The following INTS6 variants were observed in gnomAD, a reference collection of about 807,000 sequenced individuals.
INTS6 encodes DEAD box protein.
INTS6 carries 16 observed loss-of-function variants against 104.9 expected under a neutral mutation model. The observed-to-expected ratio is 0.15, with a 90% CI of 0.10 to 0.23. INTS6 has a LOEUF of 0.23. Among genes scored for constraint, INTS6 ranks in the 10% least tolerant of loss-of-function variants. INTS6 has a pLI of 1.00. For synonymous variants in INTS6, 324 were observed against 358.7 expected, an observed-to-expected ratio of 0.90 and a Z score of 1.09; for missense variants, 584 against 1,062.8, an observed-to-expected ratio of 0.55 and a Z score of 6.26.
At chr13:51,345,592 CAAAAAAAAAAAAAA>C in the INTS6 span, among the ~76,000 whole-genome samples, 244 of 37,066 alleles carry the variant, frequency 6.6e-3, no homozygotes, top group African/African-American at 0.02. Context: ...GATTTCATCT[CAAAAAAAAAAAAAA>C]AAAAAAAAAA....
At position 51,369,247 on chromosome 13, in the gene INTS6, A is replaced by G; in HGVS notation, c.2168T>C (p.Leu723Pro). ...AGCATTTGGTGTAATGTCTGATGAAAGTTGGTCTGCAACATGATTTTCAAC... is the reference window on the plus strand; with the variant it reads ...AGCATTTGGTGTAATGTCTGATGAAGGTTGGTCTGCAACATGATTTTCAAC... The part of the protein sequence containing the change: ...DVVENHVADQ[L>P]SSDITPNAMD... Residue 723 changes from leucine to proline, a missense_variant, in exon 16 of 18, where the codon CTT becomes CCT. By Grantham distance (98) the Leu-to-Pro change is moderately conservative. Transcript: ENST00000311234. 1.2e-6 allele frequency: 2 copies of G among 1,613,704 alleles called. No homozygotes were observed. The highest frequency in any genetic ancestry group is 1.7e-6 in the Non-Finnish European group (2 of 1,179,740).
At chr13:51,361,401 A>C, downstream of INTS6, 2 of 1,275,510 alleles carry the variant, frequency 1.6e-6, no homozygotes. Flanking sequence ...CTGCTTACCC[A>C]TATCTACCTT....
Position 51,361,668 on chromosome 13 carries a change from C to T in INTS6, c.*4084G>A. On this transcript the variant is annotated 3_prime_UTR_variant, in exon 18 of 18. Coordinates refer to ENST00000311234, the MANE Select transcript of INTS6 (RefSeq NM_012141.3). ...CATCTTTTCTCTTTAATTTTCCCATCTGCACCCCCATCACAACAGTAAACA... is the reference window on the plus strand; with the variant it reads ...CATCTTTTCTCTTTAATTTTCCCATTTGCACCCCCATCACAACAGTAAACA... 1 of 706,596 alleles carries T rather than the reference C, an allele frequency of 1.4e-6. No individual in the cohort carries two copies. The highest frequency in any genetic ancestry group is 2.3e-6 in the Non-Finnish European group (1 of 440,892). 43.8% of individuals were successfully genotyped at this position (706,596 alleles called of 1,614,324 possible). A position where few individuals can be genotyped will look rare whatever the true frequency, so the allele number is the denominator to read the frequency against.
intron 4 of INTS6, among the ~76,000 whole-genome samples, chr13:51,410,195 T>C (rs1369926898): frequency 6.6e-6 from 1 of 152,134 alleles, no homozygotes; most frequent in Non-Finnish European, 1.5e-5. Flanking sequence ...CCAATAAAAA[T>C]TGCAGTAAGC....
intron 3 of INTS6, chr13:51,450,815 C>A: frequency 8.4e-7 from 1 of 1,186,816 alleles, no homozygotes; most frequent in Non-Finnish European, 1.0e-6. Flanking sequence ...GATTCTAATC[C>A]TGAATACCAA....
intron 3 of INTS6, chr13:51,450,823 C>A: frequency 1.7e-6 from 2 of 1,196,246 alleles, no homozygotes; most frequent in Admixed American, 4.4e-5. Flanking sequence ...TCCTGAATAC[C>A]AATGCATTTT....
chr13:51,388,352 CTTTG>C (rs1443261415), intron 6 of INTS6, among the ~76,000 whole-genome samples: 1 of 150,682 alleles, frequency 6.6e-6, no homozygotes, highest in Non-Finnish European at 1.5e-5. Flanking sequence ...TTCTCTAAAT[CTTTG>C]TGTGTGTGTG....
At chr13:51,396,003 G>A (rs1236423503) in intron 4 of INTS6, among the ~76,000 whole-genome samples, 2 of 151,956 alleles carry the variant, frequency 1.3e-5, no homozygotes, top group African/African-American at 4.8e-5. Flanking sequence ...TTGCCATGTT[G>A]ACCAGGATGG....
At chr13:51,424,659 A>G (rs1956955932) in intron 4 of INTS6, among the ~76,000 whole-genome samples, 1 of 152,054 alleles carries the variant, frequency 6.6e-6, no homozygotes, top group African/African-American at 2.4e-5. Context: ...ACAGAGACTA[A>G]CATATACAGT....
intron 4 of INTS6, among the ~76,000 whole-genome samples, chr13:51,407,556 A>C (rs1956593167): frequency 6.6e-6 from 1 of 152,210 alleles, no homozygotes; most frequent in Non-Finnish European, 1.5e-5. Flanking sequence ...AAATCCAGGG[A>C]CTGATACCAA....
chr13:51,338,308 G>A, the INTS6 span, among the ~76,000 whole-genome samples: 7 of 152,108 alleles, frequency 4.6e-5, no homozygotes, highest in Non-Finnish European at 8.8e-5. Context: ...TCTAAAATAC[G>A]CAGGCAGTGA....
Position 51,361,716 on chromosome 13 carries a change from T to C in INTS6, c.*4036A>G. On this transcript the variant is annotated 3_prime_UTR_variant, in exon 18 of 18. Coordinates refer to ENST00000311234, the MANE Select transcript of INTS6 (RefSeq NM_012141.3). Reference sequence around the variant, plus strand: ...ACAATCAAATGCCATTAGGATGCTTTGATTTCTTAAAAAATTAACTTACTT... The same window carrying C: ...ACAATCAAATGCCATTAGGATGCTTCGATTTCTTAAAAAATTAACTTACTT... The C allele has an allele frequency of 8.7e-7, 1 of 1,153,466 alleles. No individual in the cohort carries two copies. 71.5% of individuals were successfully genotyped at this position (1,153,466 alleles called of 1,614,324 possible).
At chr13:51,415,787 G>C (rs1376326514) in intron 4 of INTS6, among the ~76,000 whole-genome samples, 1 of 152,120 alleles carries the variant, frequency 6.6e-6, no homozygotes, top group Non-Finnish European at 1.5e-5. Flanking sequence ...AGCCTTTTAG[G>C]CCAAATACAC....
intron 4 of INTS6, among the ~76,000 whole-genome samples, chr13:51,404,613 T>A (rs532973017): frequency 6.6e-6 from 1 of 152,204 alleles, no homozygotes; most frequent in South Asian, 2.1e-4. Context: ...AATTTACATA[T>A]GTACATACTT....
Position 51,423,134 on chromosome 13 carries a change from C to A in INTS6, c.429+7160G>T, listed in dbSNP as rs907150524. On this transcript the variant is annotated intron_variant, in intron 4 of 17. Coordinates refer to ENST00000311234, the MANE Select transcript of INTS6 (RefSeq NM_012141.3). ...ACTAAATATAAACGTATGGAGCTGC[C>A]GCTATTCTTATACACAGCCAAAGTA... The A allele has an allele frequency of 4.9e-6, 5 of 1,015,530 alleles. No homozygotes were observed. The South Asian group carries it at 7.4e-5, about 15-fold the overall frequency. 62.9% of individuals were successfully genotyped at this position (1,015,530 alleles called of 1,614,324 possible). A position where few individuals can be genotyped will look rare whatever the true frequency, so the allele number is the denominator to read the frequency against.
At chr13:51,393,081 T>TC (rs1321478059) in intron 5 of INTS6, among the ~76,000 whole-genome samples, 6 of 151,082 alleles carry the variant, frequency 4.0e-5, no homozygotes, top group Admixed American at 1.3e-4. Context: ...TAAATTTTTT[T>TC]TTTTTTTTTT....
chr13:51,451,006 A>G lies in INTS6; in HGVS notation c.339+19T>C. ...AAAATGAAAAATCAACTATTTTGCCACCTTATTATTCAACCTACCTGCCCA... is the reference window on the plus strand; with the variant it reads ...AAAATGAAAAATCAACTATTTTGCCGCCTTATTATTCAACCTACCTGCCCA... On this transcript the variant is annotated intron_variant, in intron 3 of 17. Coordinates refer to ENST00000311234, the MANE Select transcript of INTS6 (RefSeq NM_012141.3). The G allele has an allele frequency of 6.8e-7, 1 of 1,481,330 alleles. No homozygotes were observed. The highest frequency in any genetic ancestry group is 9.0e-7 in the Non-Finnish European group (1 of 1,113,868). 91.8% of individuals were successfully genotyped at this position (1,481,330 alleles called of 1,614,324 possible). A position where few individuals can be genotyped will look rare whatever the true frequency, so the allele number is the denominator to read the frequency against.
the INTS6 span, among the ~76,000 whole-genome samples, chr13:51,346,090 G>A: frequency 2.0e-5 from 3 of 152,204 alleles, no homozygotes; most frequent in African/African-American, 7.2e-5. Context: ...AGAACTGTTA[G>A]GAGGAGTCGG....
intron 4 of INTS6, among the ~76,000 whole-genome samples, chr13:51,398,717 G>C (rs531906719): frequency 6.9e-6 from 1 of 144,448 alleles, no homozygotes; most frequent in South Asian, 2.2e-4. Context: ...CATATTATTT[G>C]TATAAGATGT....
Sources: gnomAD v4.1 joint callset for allele counts (sites outside exome capture counted in the v4.1 genomes callset) on GRCh38, gnomAD v4.1.1 for gene constraint, MANE v1.5 for transcripts, NCBI Gene and HGNC (gene_info 2026-07-23, HGNC 2026-07-21) for gene names.